MAGI1: variants seen among roughly 807,000 people sequenced by gnomAD.
The protein encoded by MAGI1 is membrane-associated guanylate kinase, WW and PDZ domain-containing protein 1.
MAGI1 carries 58 observed loss-of-function variants against 139.9 expected under a neutral mutation model. The observed-to-expected ratio is 0.41, with a 90% CI of 0.34 to 0.52. The LOEUF (loss-of-function observed/expected upper bound fraction) is 0.52. Ranked by LOEUF, MAGI1 falls within the 20% of genes least tolerant of loss-of-function variation. MAGI1 has a pLI of 0.12. For synonymous variants in MAGI1, 812 were observed against 737.9 expected (o/e 1.10, Z -1.63); for missense variants, 1,874 against 1,901.6 (o/e 0.99, Z 0.27).
intron 13 of MAGI1, among the ~76,000 whole-genome samples, chr3:65,392,441 G>A (rs1944002315): frequency 6.6e-6 from 1 of 152,132 alleles, no homozygotes; most frequent in South Asian, 2.1e-4. Context: ...CATTGTATGG[G>A]GTAGAGGACA....
At chr3:65,717,293 TG>T (rs1409297011) in intron 1 of MAGI1, among the ~76,000 whole-genome samples, 7 of 152,182 alleles carry the variant, frequency 4.6e-5, no homozygotes, top group African/African-American at 1.7e-4. Flanking sequence ...AGGAAACATG[TG>T]GCAATACCTG....
At chr3:65,446,707 TTATC>T (rs1948701125) in intron 7 of MAGI1, among the ~76,000 whole-genome samples, 1 of 152,212 alleles carries the variant, frequency 6.6e-6, no homozygotes. Flanking sequence ...TTCATTTACT[TTATC>T]TAATATCATT....
intron 1 of MAGI1, among the ~76,000 whole-genome samples, chr3:65,943,537 C>T (rs907498950): frequency 6.6e-6 from 1 of 151,370 alleles, no homozygotes; most frequent in East Asian, 2.0e-4. Context: ...ATCATCACTG[C>T]ACTCCAGCCC....
chr3:65,415,981 A>G (rs368882934), intron 12 of MAGI1, among the ~76,000 whole-genome samples: 47 of 152,358 alleles, frequency 3.1e-4, no homozygotes, highest in East Asian at 2.7e-3. Context: ...TATTTTTTCA[A>G]TGCAATCATC....
rs145999345 is a variant in MAGI1 at position 65,637,000 on chromosome 3, C to T, written c.314-14912G>A. ...GTGTTTCTCAAAAGGAGTGCCACTG[C>T]CATCTTGGGCAGGACAATTCTTTGT... is the stretch of plus-strand genomic sequence containing the variant. On this transcript the variant is annotated intron_variant, in intron 1 of 22. Coordinates refer to ENST00000402939, the MANE Select transcript of MAGI1 (RefSeq NM_001033057.2). Among the ~76,000 whole-genome samples the T allele has an allele frequency of 9.9e-3, 1,508 of 152,298 alleles. 26 individuals carry two copies. The highest frequency in any genetic ancestry group is 0.034 in the African/African-American group (1,399 of 41,566).
intron 1 of MAGI1, among the ~76,000 whole-genome samples, chr3:65,904,231 T>C (rs1187590153): frequency 6.6e-6 from 1 of 152,208 alleles, no homozygotes; most frequent in Non-Finnish European, 1.5e-5. Flanking sequence ...GGAGAGCCCA[T>C]GAGGGCAAGA....
chr3:65,726,908 T>C (rs1158554189), intron 1 of MAGI1, among the ~76,000 whole-genome samples: 4 of 150,352 alleles, frequency 2.7e-5, no homozygotes, highest in Non-Finnish European at 5.9e-5. Context: ...GATAAACAGG[T>C]TGAGTATCCC....
intron 5 of MAGI1, among the ~76,000 whole-genome samples, chr3:65,469,513 T>C (rs1412006107): frequency 6.6e-6 from 1 of 152,060 alleles, no homozygotes; most frequent in African/African-American, 2.4e-5. Flanking sequence ...GAAAAGCTAG[T>C]ATTTACATTT....
chr3:65,594,004 C>G (rs1438806073), intron 2 of MAGI1, among the ~76,000 whole-genome samples: 3 of 152,166 alleles, frequency 2.0e-5, no homozygotes. Flanking sequence ...TACTCTCATG[C>G]CTCAGATCTT....
chr3:65,360,929 TGGTC>T, intron 22 of MAGI1: 1 of 1,392,670 alleles, frequency 7.2e-7, no homozygotes, highest in Non-Finnish European at 9.3e-7. Context: ...CCTTCGCTCT[TGGTC>T]GGACTAGACA....
chr3:65,389,787 T>C (rs1156398778), intron 14 of MAGI1, among the ~76,000 whole-genome samples: 1 of 152,214 alleles, frequency 6.6e-6, no homozygotes, highest in African/African-American at 2.4e-5. Context: ...TAGTGGGCTT[T>C]TTGTCAGCAG....
intron 1 of MAGI1, among the ~76,000 whole-genome samples, chr3:65,834,525 T>A (rs1181234001): frequency 6.6e-6 from 1 of 152,234 alleles, no homozygotes; most frequent in Non-Finnish European, 1.5e-5. Context: ...ATACGATCTG[T>A]AGGTGCTTGA....
At chr3:66,027,779 G>A (rs1024581342) in intron 1 of MAGI1, among the ~76,000 whole-genome samples, 2 of 152,146 alleles carry the variant, frequency 1.3e-5, no homozygotes, top group Non-Finnish European at 2.9e-5. Context: ...CAGCCTTACT[G>A]ACATTTTGGG....
rs184341232 is a variant in MAGI1 at position 65,541,674 on chromosome 3, T to C, written c.431-48043A>G. On this transcript the variant is annotated intron_variant, in intron 2 of 22. Coordinates refer to ENST00000402939, the MANE Select transcript of MAGI1 (RefSeq NM_001033057.2). ...AACAGAACCAGTGACAAAAACCACATGATTATCTCAACAGCTGCAGAAAAG... is the reference window on the plus strand; with the variant it reads ...AACAGAACCAGTGACAAAAACCACACGATTATCTCAACAGCTGCAGAAAAG... Among the ~76,000 whole-genome samples the C allele has an allele frequency of 8.3e-4, 126 of 152,266 alleles. 1 individual carries two copies. Among genetic ancestry groups the C allele is most frequent in the Admixed American group, 1.2e-3 (18 of 15,290 alleles).
intron 1 of MAGI1, among the ~76,000 whole-genome samples, chr3:65,716,423 A>G (rs993641047): frequency 3.9e-5 from 6 of 152,208 alleles, no homozygotes; most frequent in African/African-American, 1.4e-4. Context: ...TAGATTTATC[A>G]GTCACTTACC....
intron 2 of MAGI1, among the ~76,000 whole-genome samples, chr3:65,614,140 C>T (rs2083256047): frequency 6.6e-6 from 1 of 152,186 alleles, no homozygotes; most frequent in South Asian, 2.1e-4. Context: ...GAAAGCCCAT[C>T]ACATCTGAAT....
At chr3:65,419,122 C>T (rs555163534) in intron 12 of MAGI1, among the ~76,000 whole-genome samples, 4 of 152,192 alleles carry the variant, frequency 2.6e-5, no homozygotes, top group Non-Finnish European at 5.9e-5. Flanking sequence ...CCTCAGTAAT[C>T]TCATTCAGCC....
intron 2 of MAGI1, among the ~76,000 whole-genome samples, chr3:65,506,758 C>T (rs1053389080): frequency 4.6e-5 from 7 of 152,036 alleles, no homozygotes; most frequent in African/African-American, 7.3e-5. Context: ...TAATCAAAGC[C>T]TTCTATAATT....
intron 7 of MAGI1, among the ~76,000 whole-genome samples, chr3:65,446,008 C>T (rs752826828): frequency 1.3e-5 from 2 of 152,148 alleles, no homozygotes; most frequent in African/African-American, 2.4e-5. Context: ...TGCACGTGTG[C>T]TACTCTTTAC....
Sources: allele counts gnomAD v4.1 joint callset (sites outside exome capture counted in the v4.1 genomes callset), GRCh38; gene constraint gnomAD v4.1.1; transcripts MANE v1.5; gene names NCBI Gene and HGNC (gene_info 2026-07-23, HGNC 2026-07-21).